Variants in APBB1IP observed in about 807,000 individuals in gnomAD.
APBB1IP encodes amyloid beta precursor protein binding family B member 1 interacting protein.
In APBB1IP, 27 loss-of-function variants were observed where a neutral mutation model predicts 64.9. That is an observed-to-expected ratio of 0.42 (90% CI 0.31 to 0.57). The LOEUF is 0.57. Ranked by LOEUF, APBB1IP falls within the 20% of genes least tolerant of loss-of-function variation. The probability of loss-of-function intolerance (pLI) is 0.20; values close to 1 mark genes in which losing one functional copy is unlikely to be tolerated. For synonymous variants in APBB1IP, 392 were observed against 331.0 expected (o/e 1.18, Z -2.00); for missense variants, 812 against 845.5 (o/e 0.96, Z 0.49).
In APBB1IP at chr10:26,470,733, G is replaced by A. The variant is rs150684812; in HGVS notation, c.1-21594G>A. ...TCCAGACTTAGTCCCATTGTAAGTTGAGGAGCATCCATAATATGCCACGCA... is the reference window on the plus strand; with the variant it reads ...TCCAGACTTAGTCCCATTGTAAGTTAAGGAGCATCCATAATATGCCACGCA... On this transcript the variant is annotated intron_variant, in intron 2 of 14. Coordinates refer to ENST00000376236, the MANE Select transcript of APBB1IP (RefSeq NM_019043.4). Among the ~76,000 whole-genome samples, 53 of 152,206 alleles carry A rather than the reference G, an allele frequency of 3.5e-4. 1 individual carries two copies. The East Asian group carries it at 9.5e-3, about 27-fold the overall frequency.
rs181721625 is a variant in APBB1IP at position 26,473,938 on chromosome 10, G to T, written c.1-18389G>T. 4.0e-5 allele frequency among the ~76,000 whole-genome samples: 6 copies of T among 148,334 alleles called. No homozygotes were observed. In the East Asian group the frequency reaches 1.2e-3, roughly 29 times the overall value. On this transcript the variant is annotated intron_variant, in intron 2 of 14. Transcript: ENST00000376236. ...AATTGCTTGAACGCCGGAGGCAGAG[G>T]TTACAGTGAGCCGAGATCGCACCAC...
chr10:26,527,283 C>T (rs573353559), intron 8 of APBB1IP, among the ~76,000 whole-genome samples: 2 of 152,268 alleles, frequency 1.3e-5, no homozygotes, highest in South Asian at 2.1e-4. Flanking sequence ...CATGGTGGCT[C>T]ACACCTGTAA....
Position 26,560,111 on chromosome 10 carries a change from C to A in APBB1IP, c.1162C>A (p.Gln388Lys). ...TDYCFVLKHP[Q>K]IQKESQYIKY... ...CGAAACTGCTTCTTTCTAGCACCCC[C>A]AAATTCAGAAGGAGTCCCAGTATAT... The change falls in exon 12 of 15, where the codon CAA becomes AAA. Residue 388 changes from glutamine to lysine, a missense_variant. This residue lies in a region of APBB1IP where 37 missense variants were observed against 80.4 expected (regional missense o/e 0.46). Coordinates refer to ENST00000376236, the MANE Select transcript of APBB1IP (RefSeq NM_019043.4). 1 of 1,614,006 alleles carries A rather than the reference C, an allele frequency of 6.2e-7. No homozygotes were observed. Among genetic ancestry groups the A allele is most frequent in the Non-Finnish European group, 8.5e-7 (1 of 1,179,922 alleles).
At chr10:26,543,649 A>G (rs1347012349) in intron 11 of APBB1IP, among the ~76,000 whole-genome samples, 1 of 152,168 alleles carries the variant, frequency 6.6e-6, no homozygotes, top group Non-Finnish European at 1.5e-5. Flanking sequence ...TACATTCAAC[A>G]TGAGGAAAAT....
At chr10:26,508,360 G>A (rs2132443222) in intron 6 of APBB1IP, among the ~76,000 whole-genome samples, 1 of 149,474 alleles carries the variant, frequency 6.7e-6, no homozygotes, top group South Asian at 2.1e-4. Context: ...TGGGACACCA[G>A]AGAACAATTC....
chr10:26,567,166 C>A lies in APBB1IP; in HGVS notation c.1679C>A (p.Pro560Gln), dbSNP rs1227672195. The change falls in exon 15 of 15, where the codon CCG becomes CAG. Residue 560 changes from proline to glutamine, a missense_variant. Around this residue, in one of 3 missense-constraint regions of APBB1IP, gnomAD observed 381 missense variants for 352.1 expected, o/e 1.08. Coordinates refer to ENST00000376236, the MANE Select transcript of APBB1IP (RefSeq NM_019043.4). Reference protein sequence around the residue: ...PDDFLPPPPPPPPLDDPELPP... With the variant: ...PDDFLPPPPPQPPLDDPELPP... Reference sequence around the variant, plus strand: ...GACTTCCTGCCGCCGCCGCCACCGCCGCCGCCCCTCGATGACCCTGAGCTC... The same window carrying A: ...GACTTCCTGCCGCCGCCGCCACCGCAGCCGCCCCTCGATGACCCTGAGCTC... 6 of 1,417,902 alleles carry A rather than the reference C, an allele frequency of 4.2e-6. No individual in the cohort carries two copies. The highest frequency in any genetic ancestry group is 5.5e-6 in the Non-Finnish European group (6 of 1,092,526). 87.8% of individuals were successfully genotyped at this position (1,417,902 alleles called of 1,614,324 possible).
chr10:26,479,328 C>A (rs1360523343), intron 2 of APBB1IP, among the ~76,000 whole-genome samples: 1 of 150,444 alleles, frequency 6.6e-6, no homozygotes. Flanking sequence ...AAAAAATTGA[C>A]ATATATAACA....
chr10:26,478,688 G>A (rs182754708), intron 2 of APBB1IP, among the ~76,000 whole-genome samples: 1 of 152,158 alleles, frequency 6.6e-6, no homozygotes, highest in Non-Finnish European at 1.5e-5. Context: ...GCATATGTAT[G>A]GTATTTAAAG....
In APBB1IP at chr10:26,567,393, A is replaced by G; in HGVS notation, c.1906A>G (p.Asn636Asp). 1 of 1,594,034 alleles carries G rather than the reference A, an allele frequency of 6.3e-7. No homozygotes were observed. The highest frequency in any genetic ancestry group is 8.6e-7 in the Non-Finnish European group (1 of 1,167,648). Residue 636 changes from asparagine (N) to aspartate (D), a missense_variant, in exon 15 of 15, where the codon AAC (asparagine) becomes GAC (aspartate). Around this residue, in one of 3 missense-constraint regions of APBB1IP, gnomAD observed 381 missense variants for 352.1 expected, o/e 1.08. Transcript: ENST00000376236. ...RPPVPPKRQE[N>D]PGHPGGAGGG... ...TCCTGTGCCCCCCAAGAGGCAAGAG[A>G]ACCCAGGGCACCCCGGCGGAGCAGG...
chr10:26,494,020 T>C (rs1025892712), intron 3 of APBB1IP, among the ~76,000 whole-genome samples: 1 of 151,952 alleles, frequency 6.6e-6, no homozygotes, highest in Non-Finnish European at 1.5e-5. Context: ...TTTTCTTTTA[T>C]AGAGACGAGA....
intron 11 of APBB1IP, among the ~76,000 whole-genome samples, chr10:26,546,241 G>A (rs187822182): frequency 6.6e-6 from 1 of 152,166 alleles, no homozygotes; most frequent in Non-Finnish European, 1.5e-5. Context: ...TTAGTAAGTG[G>A]TAGTTATTAT....
chr10:26,458,967 T>C (rs986935229), intron 2 of APBB1IP, among the ~76,000 whole-genome samples: 1 of 152,086 alleles, frequency 6.6e-6, no homozygotes, highest in African/African-American at 2.4e-5. Flanking sequence ...ACTTTGAGTT[T>C]TAGGGTACAT....
At chr10:26,471,062 AGC>A (rs1835710106) in intron 2 of APBB1IP, among the ~76,000 whole-genome samples, 1 of 152,170 alleles carries the variant, frequency 6.6e-6, no homozygotes, top group African/African-American at 2.4e-5. Flanking sequence ...CTCATGAAAT[AGC>A]TTATCATCAC....
chr10:26,495,954 T>A (rs553302923), intron 3 of APBB1IP, among the ~76,000 whole-genome samples: 2 of 135,074 alleles, frequency 1.5e-5, no homozygotes, highest in South Asian at 2.1e-4. Context: ...AAAATATATT[T>A]TATATATATT....
intron 8 of APBB1IP, among the ~76,000 whole-genome samples, chr10:26,519,182 T>G (rs922781029): frequency 6.6e-6 from 1 of 151,952 alleles, no homozygotes; most frequent in African/African-American, 2.4e-5. Context: ...TCTCAGCTAC[T>G]AGGGAGTCTG....
chr10:26,567,288 C>T lies in APBB1IP; in HGVS notation c.1801C>T (p.Pro601Ser), dbSNP rs1361674024. The stretch of plus-strand genomic sequence containing the variant: ...GATCGCGGGCTCAGAGCTGCCCCCG[C>T]CGCCGCCGCCGCCGCCCGCGCCCGC... Reference protein sequence around the residue: ...AGIAGSELPPPPPPPPAPAPA... With the variant: ...AGIAGSELPPSPPPPPAPAPA... Residue 601 changes from proline (P) to serine (S), a missense_variant, in exon 15 of 15, where the codon CCG becomes TCG. By Grantham distance (74) the Pro-to-Ser change is moderately conservative. Transcript: ENST00000376236. 2 of 1,072,012 alleles carry T rather than the reference C, an allele frequency of 1.9e-6. No individual in the cohort carries two copies. The highest frequency in any genetic ancestry group is 1.1e-6 in the Non-Finnish European group (1 of 883,520). The allele number at this position is 1,072,012 out of a possible 1,614,324, so 66.4% of individuals were successfully genotyped here.
intron 5 of APBB1IP, 21 bp from the exon 6 acceptor site, chr10:26,503,176 G>A (rs1261194746): frequency 6.2e-7 from 1 of 1,613,216 alleles, no homozygotes; most frequent in South Asian, 1.1e-5. Context: ...CTGTATTGAA[G>A]AATATCTTGC....
intron 13 of APBB1IP, among the ~76,000 whole-genome samples, chr10:26,561,198 A>G (rs1263030095): frequency 3.4e-5 from 5 of 147,330 alleles, no homozygotes; most frequent in Non-Finnish European, 7.4e-5. Context: ...CCTCCTGAGT[A>G]GCTGGGACTA....
chr10:26,493,350 G>A (rs999610338), intron 3 of APBB1IP, among the ~76,000 whole-genome samples: 4 of 152,206 alleles, frequency 2.6e-5, no homozygotes, highest in Admixed American at 6.5e-5. Context: ...AGGATTAAAA[G>A]ATTAAAGACA....
Sources: allele counts gnomAD v4.1 joint callset (sites outside exome capture counted in the v4.1 genomes callset), GRCh38; gene constraint gnomAD v4.1.1; regional missense constraint gnomAD v4.1.1; transcripts MANE v1.5; gene names NCBI Gene and HGNC (gene_info 2026-07-23, HGNC 2026-07-21).